The following SMIM10L3 variants were observed in gnomAD, a reference collection of about 807,000 sequenced individuals.
SMIM10L3 encodes the protein small integral membrane protein 10 like 3.
the SMIM10L3 span, among the ~76,000 whole-genome samples, chr7:6,343,094 T>C: frequency 6.7e-6 from 1 of 148,694 alleles, no homozygotes; most frequent in Non-Finnish European, 1.5e-5. Context: ...AAGAAAAAAT[T>C]GGCCAGGTGC....
chr7:6,332,961 C>T, the SMIM10L3 span, among the ~76,000 whole-genome samples: 1 of 152,026 alleles, frequency 6.6e-6, no homozygotes. Context: ...GAGTTCGAGA[C>T]AAGCATGGTC....
At chr7:6,331,028 C>A in the SMIM10L3 span, 1 of 1,613,968 alleles carries the variant, frequency 6.2e-7, no homozygotes, top group East Asian at 2.2e-5. Context: ...CAGGAGGGTG[C>A]ATCTGCAGGC....
the SMIM10L3 span, among the ~76,000 whole-genome samples, chr7:6,344,616 G>A: frequency 2.0e-5 from 3 of 151,960 alleles, no homozygotes; most frequent in Non-Finnish European, 2.9e-5. Flanking sequence ...ACGGAGTTTC[G>A]CCCTGTTGCC....
At chr7:6,333,051 G>C in the SMIM10L3 span, among the ~76,000 whole-genome samples, 2 of 151,872 alleles carry the variant, frequency 1.3e-5, no homozygotes, top group Non-Finnish European at 2.9e-5. Context: ...CAGCTACCAG[G>C]GAGGCTGAAG....
At chr7:6,333,878 C>CT in the SMIM10L3 span, among the ~76,000 whole-genome samples, 17 of 105,464 alleles carry the variant, frequency 1.6e-4, no homozygotes, top group South Asian at 2.9e-3. Context: ...GAGTCTTGCT[C>CT]TTTTTTTGCC....
At chr7:6,339,716 C>T in the SMIM10L3 span, among the ~76,000 whole-genome samples, 1 of 152,076 alleles carries the variant, frequency 6.6e-6, no homozygotes, top group South Asian at 2.1e-4. Flanking sequence ...CATGATCCAC[C>T]CACCTCAGCC....
the SMIM10L3 span, chr7:6,330,361 G>A: frequency 2.6e-5 from 41 of 1,597,846 alleles, no homozygotes; most frequent in African/African-American, 5.4e-4. Context: ...TATTGGTATT[G>A]TTCTGCTTGT....
At chr7:6,339,378 G>T in the SMIM10L3 span, among the ~76,000 whole-genome samples, 29 of 152,148 alleles carry the variant, frequency 1.9e-4, 1 homozygote, top group Middle Eastern at 6.8e-3. Flanking sequence ...CGAGGTGGGA[G>T]GATCGTTTGA....
chr7:6,347,927 T>C, the SMIM10L3 span, among the ~76,000 whole-genome samples: 4 of 144,258 alleles, frequency 2.8e-5, no homozygotes, highest in Admixed American at 1.4e-4. Context: ...TTATTATTAT[T>C]GAGATGGAGT....
At chr7:6,337,390 G>C in the SMIM10L3 span, among the ~76,000 whole-genome samples, 2 of 152,062 alleles carry the variant, frequency 1.3e-5, no homozygotes, top group Non-Finnish European at 2.9e-5. Flanking sequence ...CCAAAGTGTT[G>C]GGATTACAGG....
At chr7:6,334,787 T>C in the SMIM10L3 span, among the ~76,000 whole-genome samples, 24 of 127,910 alleles carry the variant, frequency 1.9e-4, no homozygotes, top group Non-Finnish European at 3.8e-4. Context: ...TTAGTTATTT[T>C]GAAATGGAGT....
the SMIM10L3 span, among the ~76,000 whole-genome samples, chr7:6,331,740 T>G: frequency 4.6e-5 from 3 of 64,690 alleles, no homozygotes; most frequent in Non-Finnish European, 7.1e-5. Context: ...AATAGAGGCT[T>G]TTTTTTTTTT....
At chr7:6,334,818 G>C in the SMIM10L3 span, among the ~76,000 whole-genome samples, 1 of 150,892 alleles carries the variant, frequency 6.6e-6, no homozygotes, top group Non-Finnish European at 1.5e-5. Flanking sequence ...ACCCAGGCTG[G>C]AGTACAATGG....
At chr7:6,348,606 G>A in the SMIM10L3 span, 3 of 465,016 alleles carry the variant, frequency 6.5e-6, no homozygotes, top group East Asian at 3.4e-5. Context: ...TGGAAGCCAC[G>A]ATGTAGAGGT....
chr7:6,341,483 T>A, the SMIM10L3 span, among the ~76,000 whole-genome samples: 2 of 148,206 alleles, frequency 1.3e-5, no homozygotes, highest in Non-Finnish European at 3.0e-5. Context: ...TTATGAGCAC[T>A]GTCATCCTGG....
the SMIM10L3 span, among the ~76,000 whole-genome samples, chr7:6,337,949 A>C: frequency 6.6e-6 from 1 of 151,522 alleles, no homozygotes; most frequent in African/African-American, 2.4e-5. Context: ...TACTACAGGC[A>C]CCAGCTGCCA....
the SMIM10L3 span, among the ~76,000 whole-genome samples, chr7:6,344,478 A>T: frequency 2.0e-5 from 3 of 152,022 alleles, no homozygotes; most frequent in African/African-American, 7.2e-5. Flanking sequence ...CCTGGAGTAC[A>T]GTGGTACAAT....
the SMIM10L3 span, among the ~76,000 whole-genome samples, chr7:6,342,455 C>G: frequency 6.6e-6 from 1 of 151,990 alleles, no homozygotes; most frequent in Non-Finnish European, 1.5e-5. Flanking sequence ...AGGAGAATCA[C>G]TTGAACCCAG....
At chr7:6,348,375 AC>A in the SMIM10L3 span, among the ~76,000 whole-genome samples, 1 of 151,904 alleles carries the variant, frequency 6.6e-6, no homozygotes, top group Non-Finnish European at 1.5e-5. Context: ...GCTTAACCTG[AC>A]CCCCAGTGCC....
Sources: allele counts gnomAD v4.1 joint callset (sites outside exome capture counted in the v4.1 genomes callset), GRCh38; gene constraint gnomAD v4.1.1; transcripts MANE v1.5; gene names NCBI Gene and HGNC (gene_info 2026-07-23, HGNC 2026-07-21).